Variants in ITPRID1 observed in about 807,000 individuals in gnomAD.
ITPRID1 encodes ITPR interacting domain containing 1.
A neutral mutation model predicts 95.4 loss-of-function variants in ITPRID1; 96 were observed. The observed-to-expected ratio is 1.01, with a 90% CI of 0.85 to 1.19. The LOEUF is 1.19. Among genes scored for constraint, ITPRID1 ranks in the 50% most tolerant of loss-of-function variants. The probability of loss-of-function intolerance (pLI) is 0.00; values close to 1 mark genes in which losing one functional copy is unlikely to be tolerated. For missense variants in ITPRID1, 1,339 were observed against 1,252.9 expected (o/e 1.07, Z -1.04); for synonymous variants, 510 against 453.6 (o/e 1.12, Z -1.58).
intron 10 of ITPRID1, among the ~76,000 whole-genome samples, chr7:31,591,714 T>C (rs1298043188): frequency 6.6e-6 from 1 of 152,198 alleles, no homozygotes; most frequent in Non-Finnish European, 1.5e-5. Flanking sequence ...ACATTGCCAC[T>C]CTTAGGATCC....
chr7:31,550,195 ATCC>A (rs1711955164), intron 2 of ITPRID1, among the ~76,000 whole-genome samples: 1 of 115,220 alleles, frequency 8.7e-6, no homozygotes, highest in African/African-American at 2.9e-5. Flanking sequence ...ACAGTTTTGC[ATCC>A]TCTTTTTTTT....
chr7:31,651,963 G>C lies in ITPRID1; in HGVS notation c.2736G>C (p.Thr912=), dbSNP rs532365607. Residue 912 remains threonine (T), a synonymous_variant, in exon 14 of 15, where the codon ACG becomes ACC. Transcript: ENST00000615280. ...EEREEAEQLQ[T]LREALRQQVA... ...GGGAGGAGGCCGAGCAACTGCAAAC[G>C]TTACGTGAGGCCCTGAGGCAGCAGG... The C allele has an allele frequency of 3.1e-6, 5 of 1,601,710 alleles. No individual in the cohort carries two copies. In the Admixed American group the frequency reaches 6.9e-5, roughly 22 times the overall value.
At chr7:31,558,147 C>T (rs1389280436) in intron 5 of ITPRID1, among the ~76,000 whole-genome samples, 1 of 152,092 alleles carries the variant, frequency 6.6e-6, no homozygotes, top group African/African-American at 2.4e-5. Flanking sequence ...TGTGTGCTTG[C>T]TTATCCTCTG....
At chr7:31,558,190 C>T (rs1367455029) in intron 5 of ITPRID1, among the ~76,000 whole-genome samples, 1 of 152,108 alleles carries the variant, frequency 6.6e-6, no homozygotes, top group East Asian at 1.9e-4. Flanking sequence ...GCAAGAAGGC[C>T]CTCACCAGAT....
At chr7:31,568,902 C>G (rs1232485967) in intron 5 of ITPRID1, among the ~76,000 whole-genome samples, 1 of 152,214 alleles carries the variant, frequency 6.6e-6, no homozygotes, top group Non-Finnish European at 1.5e-5. Context: ...GTTGCAGCAT[C>G]CTACTAGCCA....
chr7:31,606,359 A>G (rs902138248), intron 10 of ITPRID1, among the ~76,000 whole-genome samples: 3 of 152,180 alleles, frequency 2.0e-5, no homozygotes, highest in Non-Finnish European at 4.4e-5. Context: ...AGGATCAGCA[A>G]AGATTTCTCA....
chr7:31,631,990 C>T (rs1789044280), intron 10 of ITPRID1, among the ~76,000 whole-genome samples: 1 of 152,160 alleles, frequency 6.6e-6, no homozygotes, highest in Non-Finnish European at 1.5e-5. Flanking sequence ...CCTGCAGGTC[C>T]CAGTGACCAC....
intron 1 of ITPRID1, among the ~76,000 whole-genome samples, chr7:31,526,854 G>T (rs978247130): frequency 6.6e-6 from 1 of 151,970 alleles, no homozygotes; most frequent in African/African-American, 2.4e-5. Context: ...TTTCAGTCTT[G>T]TTGCTTCCAT....
chr7:31,603,199 C>G (rs944243891), intron 10 of ITPRID1, among the ~76,000 whole-genome samples: 34 of 152,274 alleles, frequency 2.2e-4, no homozygotes, highest in Non-Finnish European at 4.7e-4. Flanking sequence ...CCACCTCCAT[C>G]TGGCACATTA....
At chr7:31,529,554 G>A (rs1200036835) in intron 1 of ITPRID1, 7 of 467,276 alleles carry the variant, frequency 1.5e-5, no homozygotes, top group Non-Finnish European at 2.7e-5. Context: ...TTCTTGTAGA[G>A]AAGTGGGTAG....
chr7:31,517,006 C>G (rs1431903431), intron 1 of ITPRID1, among the ~76,000 whole-genome samples: 1 of 152,206 alleles, frequency 6.6e-6, no homozygotes, highest in South Asian at 2.1e-4. Context: ...AGTGAAACTA[C>G]AGACCTCTAC....
At chr7:31,640,222 T>C (rs926697993) in intron 10 of ITPRID1, among the ~76,000 whole-genome samples, 3 of 152,042 alleles carry the variant, frequency 2.0e-5, no homozygotes, top group African/African-American at 7.2e-5. Flanking sequence ...AAATAGGAGG[T>C]TTTGCATCTG....
At chr7:31,554,753 TA>T in intron 4 of ITPRID1, 104 bp from the exon 5 acceptor site, 3 of 1,101,360 alleles carry the variant, frequency 2.7e-6, no homozygotes, top group Non-Finnish European at 4.0e-6. Context: ...CCTCTCTTAC[TA>T]AAACCTAACT....
intron 10 of ITPRID1, among the ~76,000 whole-genome samples, chr7:31,616,883 C>T (rs111735712): frequency 0.043 from 6,496 of 152,184 alleles, 227 homozygotes; most frequent in Non-Finnish European, 0.067. Flanking sequence ...ACCCAAACCT[C>T]TCTTGCTTAC....
At chr7:31,528,171 T>C (rs1783482987) in intron 1 of ITPRID1, among the ~76,000 whole-genome samples, 1 of 152,186 alleles carries the variant, frequency 6.6e-6, no homozygotes, top group African/African-American at 2.4e-5. Flanking sequence ...ACTTCAGTGC[T>C]CTGAGTGCTG....
chr7:31,572,124 A>T lies in ITPRID1; in HGVS notation c.331A>T (p.Thr111Ser). ...TAGATCTTTGCATCAGTTTTCAGAA[A>T]CTCCCATCCTATCCAGAGGGACCAG... ...YMRSLHQFSE[T>S]PILSRGTSFN... is the part of the protein sequence containing the mutation. Residue 111 changes from threonine (T) to serine (S), a missense_variant, in exon 7 of 15, where the codon ACT (threonine) becomes TCT (serine). Physicochemically the swap from Thr to Ser is moderately conservative, Grantham distance 58. Coordinates refer to ENST00000615280, the MANE Select transcript of ITPRID1 (RefSeq NM_001257967.3). The T allele has an allele frequency of 6.2e-7, 1 of 1,610,208 alleles. No homozygotes were observed. Among genetic ancestry groups the T allele is most frequent in the South Asian group, 1.1e-5 (1 of 90,726 alleles).
intron 1 of ITPRID1, among the ~76,000 whole-genome samples, chr7:31,526,963 T>C (rs929799565): frequency 2.6e-5 from 4 of 152,214 alleles, no homozygotes; most frequent in South Asian, 2.1e-4. Flanking sequence ...AAACCTCTTA[T>C]TGGCATGCAA....
chr7:31,658,626 T>G (rs941062115), downstream of ITPRID1: 2 of 245,486 alleles, frequency 8.1e-6, no homozygotes, highest in Non-Finnish European at 1.5e-5. Flanking sequence ...CTTGTTAAAT[T>G]GTTTTTCTTG....
chr7:31,607,686 T>C (rs1232142214), intron 10 of ITPRID1, among the ~76,000 whole-genome samples: 1 of 152,004 alleles, frequency 6.6e-6, no homozygotes. Context: ...CACAACCCCA[T>C]GCCCTTCAGT....
Sources: gnomAD v4.1 joint callset for allele counts (sites outside exome capture counted in the v4.1 genomes callset) on GRCh38, gnomAD v4.1.1 for gene constraint, MANE v1.5 for transcripts, NCBI Gene and HGNC (gene_info 2026-07-23, HGNC 2026-07-21) for gene names.